The following CEP63 variants were observed in gnomAD, a reference collection of about 807,000 sequenced individuals.
The protein encoded by CEP63 is centrosomal protein 63.
Under a neutral mutation model 89.1 loss-of-function variants are expected in CEP63, and 84 were observed. The ratio of observed to expected loss-of-function variants is 0.94; its 90% CI spans 0.79 to 1.13. The LOEUF (loss-of-function observed/expected upper bound fraction) is 1.13, where lower values mean the gene tolerates loss of function less well. CEP63 is among the 50% of genes most tolerant of loss of function. CEP63 has a pLI of 0.00. For missense variants in CEP63, 838 were observed against 813.3 expected (o/e 1.03, Z -0.37); for synonymous variants, 267 against 272.5 (o/e 0.98, Z 0.20).
chr3:134,728,095 A>G, the CEP63 span, among the ~76,000 whole-genome samples: 1 of 152,238 alleles, frequency 6.6e-6, no homozygotes. Context: ...ACTGTGTCTA[A>G]TAAAATTTGA....
At chr3:134,575,600 CCTTT>C (rs1399871860), downstream of CEP63, among the ~76,000 whole-genome samples, 9 of 136,180 alleles carry the variant, frequency 6.6e-5, no homozygotes, top group African/African-American at 1.9e-4. Flanking sequence ...TCCCTTTCTT[CCTTT>C]CTTTCCTTTT....
the CEP63 span, among the ~76,000 whole-genome samples, chr3:134,642,423 A>G: frequency 2.0e-5 from 3 of 152,178 alleles, no homozygotes; most frequent in African/African-American, 7.2e-5. Context: ...CCAGTATTTA[A>G]TGCACAGCAG....
At chr3:134,555,805 C>T (rs959615023) in intron 12 of CEP63, among the ~76,000 whole-genome samples, 14 of 151,818 alleles carry the variant, frequency 9.2e-5, no homozygotes, top group African/African-American at 1.9e-4. Flanking sequence ...AAAAAGAGCC[C>T]GCATCGCCAA....
chr3:134,703,481 T>C, the CEP63 span, among the ~76,000 whole-genome samples: 15 of 152,000 alleles, frequency 9.9e-5, 1 homozygote, highest in African/African-American at 3.6e-4. Context: ...TGCAGGAACA[T>C]GGATGGAGCT....
chr3:134,720,826 A>G, the CEP63 span, among the ~76,000 whole-genome samples: 1 of 152,112 alleles, frequency 6.6e-6, no homozygotes, highest in Non-Finnish European at 1.5e-5. Flanking sequence ...ATTTTATTTC[A>G]TTGATCAATC....
At chr3:134,654,461 CG>C in the CEP63 span, among the ~76,000 whole-genome samples, 1 of 152,112 alleles carries the variant, frequency 6.6e-6, no homozygotes, top group Non-Finnish European at 1.5e-5. Flanking sequence ...CCATTGATGA[CG>C]TGGGGAAGAG....
the CEP63 span, among the ~76,000 whole-genome samples, chr3:134,760,653 T>C: frequency 1.3e-5 from 2 of 152,188 alleles, no homozygotes; most frequent in Non-Finnish European, 2.9e-5. Flanking sequence ...CTCATGACAA[T>C]GACATGATGC....
chr3:134,493,504 A>G (rs1399022007), intron 1 of CEP63, among the ~76,000 whole-genome samples: 3 of 152,112 alleles, frequency 2.0e-5, no homozygotes, highest in South Asian at 4.2e-4. Flanking sequence ...TATTTTTGCA[A>G]TTTTGGTGTA....
At chr3:134,726,455 GACAGACAC>G in the CEP63 span, among the ~76,000 whole-genome samples, 1,101 of 51,088 alleles carry the variant, frequency 0.022, 17 homozygotes, top group African/African-American at 0.028. Context: ...CAGGCACACA[GACAGACAC>G]ACACACACAC....
Position 134,564,633 on chromosome 3 carries a change from A to G in CEP63, c.*3098A>G, listed in dbSNP as rs1233018038. On this transcript the variant is annotated 3_prime_UTR_variant, in exon 15 of 15. Transcript: ENST00000675561. ...TATTTATCAGTAAAACTGAAATAAT[A>G]TCTAATGGGGTCGAGAAGATTTACT... 3.0e-6 allele frequency: 3 copies of G among 985,328 alleles called. No homozygotes were observed. The highest frequency in any genetic ancestry group is 3.6e-6 in the Non-Finnish European group (3 of 829,916). The allele number at this position is 985,328 out of a possible 1,614,324, so 61.0% of individuals were successfully genotyped here.
At chr3:134,522,142 T>TA (rs1456002808) in intron 3 of CEP63, among the ~76,000 whole-genome samples, 1 of 152,216 alleles carries the variant, frequency 6.6e-6, no homozygotes, top group Admixed American at 6.5e-5. Flanking sequence ...CTCCTTGTCT[T>TA]AAAAACATTT....
At chr3:134,567,682 A>G (rs539021760), downstream of CEP63, among the ~76,000 whole-genome samples, 3 of 152,228 alleles carry the variant, frequency 2.0e-5, no homozygotes, top group East Asian at 1.9e-4. Context: ...GCACTGTGCA[A>G]TATTGTGGGG....
the CEP63 span, among the ~76,000 whole-genome samples, chr3:134,669,878 A>G: frequency 1.3e-5 from 2 of 152,236 alleles, no homozygotes; most frequent in South Asian, 2.1e-4. Flanking sequence ...CAAAATTCAT[A>G]TGTTGAAACC....
chr3:134,578,907 A>G (rs560905537), downstream of CEP63, among the ~76,000 whole-genome samples: 13 of 152,242 alleles, frequency 8.5e-5, no homozygotes, highest in African/African-American at 2.6e-4. Flanking sequence ...GAAGCCCTTT[A>G]GTTTAACACT....
chr3:134,509,786 A>G (rs6800862), intron 3 of CEP63, among the ~76,000 whole-genome samples: 96,328 of 152,034 alleles, frequency 0.63, 31,247 homozygotes, highest in East Asian at 0.81. Context: ...TTTGTATGTC[A>G]ATCATACCTA....
At chr3:134,648,100 C>T in the CEP63 span, among the ~76,000 whole-genome samples, 42 of 152,306 alleles carry the variant, frequency 2.8e-4, 1 homozygote, top group East Asian at 3.9e-4. Flanking sequence ...AAGTGGTAGC[C>T]GCAAGGTCGA....
intron 3 of CEP63, among the ~76,000 whole-genome samples, chr3:134,517,024 C>T (rs1225325192): frequency 1.3e-5 from 2 of 152,170 alleles, no homozygotes; most frequent in Admixed American, 6.5e-5. Context: ...CTTCCCATTC[C>T]TCAGAGAGAC....
chr3:134,724,342 G>C, the CEP63 span, among the ~76,000 whole-genome samples: 1 of 152,202 alleles, frequency 6.6e-6, no homozygotes, highest in Non-Finnish European at 1.5e-5. Context: ...ATCTGCTAAG[G>C]GGGTTTGAGT....
At chr3:134,706,350 C>A in the CEP63 span, among the ~76,000 whole-genome samples, 8 of 152,086 alleles carry the variant, frequency 5.3e-5, no homozygotes, top group Admixed American at 1.3e-4. Context: ...TTACTTAGGG[C>A]AAGTCATTTT....
Sources: gnomAD v4.1 joint callset for allele counts (sites outside exome capture counted in the v4.1 genomes callset) on GRCh38, gnomAD v4.1.1 for gene constraint, MANE v1.5 for transcripts, NCBI Gene and HGNC (gene_info 2026-07-23, HGNC 2026-07-21) for gene names.